Variants in FNDC3B observed in about 807,000 individuals in gnomAD.
FNDC3B encodes the protein fibronectin type III domain containing 3B, also known as fibronectin type III domain-containing protein 3B.
In FNDC3B, 12 loss-of-function variants were observed where a neutral mutation model predicts 151.5. The observed-to-expected ratio is 0.08, with a 90% CI of 0.05 to 0.13. The LOEUF is 0.13. Among genes scored for constraint, FNDC3B ranks in the 10% least tolerant of loss-of-function variants. The pLI is 1.00. For missense variants in FNDC3B, 1,214 were observed against 1,505.3 expected, an observed-to-expected ratio of 0.81 and a Z score of 3.20; for synonymous variants, 528 against 549.0, an observed-to-expected ratio of 0.96 and a Z score of 0.54.
intron 11 of FNDC3B, among the ~76,000 whole-genome samples, chr3:172,322,232 A>G (rs1732122025): frequency 2.0e-5 from 3 of 152,194 alleles, no homozygotes; most frequent in Middle Eastern, 6.8e-3. Flanking sequence ...CAGTGTTTTC[A>G]CTCACAAGTC....
intron 7 of FNDC3B, among the ~76,000 whole-genome samples, 191 bp downstream of exon 7, chr3:172,286,175 G>A (rs1730006669): frequency 6.6e-6 from 1 of 152,058 alleles, no homozygotes; most frequent in African/African-American, 2.4e-5. Flanking sequence ...CCTTCTGTGT[G>A]TAGTCGTAAT....
chr3:172,117,351 C>A (rs972292683), intron 2 of FNDC3B, among the ~76,000 whole-genome samples: 1 of 152,072 alleles, frequency 6.6e-6, no homozygotes, highest in South Asian at 2.1e-4. Flanking sequence ...AAAATTGATG[C>A]CTTTGTTGAC....
intron 4 of FNDC3B, among the ~76,000 whole-genome samples, chr3:172,233,680 C>A (rs1726997232): frequency 6.6e-6 from 1 of 152,202 alleles, no homozygotes; most frequent in African/African-American, 2.4e-5. Flanking sequence ...TGCTTTGTTT[C>A]ACCTTCAACG....
At chr3:172,297,741 T>C (rs557366419) in intron 8 of FNDC3B, among the ~76,000 whole-genome samples, 20 of 151,230 alleles carry the variant, frequency 1.3e-4, no homozygotes, top group Non-Finnish European at 2.5e-4. Flanking sequence ...CCCAAAGTGC[T>C]CGGATAACAG....
chr3:172,244,252 C>T (rs1576833088), intron 4 of FNDC3B, among the ~76,000 whole-genome samples: 1 of 152,244 alleles, frequency 6.6e-6, no homozygotes, highest in South Asian at 2.1e-4. Context: ...TCCTACACCA[C>T]AAAAGGAAAT....
chr3:172,355,785 C>T (rs7621986), intron 22 of FNDC3B, among the ~76,000 whole-genome samples: 2,895 of 152,256 alleles, frequency 0.019, 99 homozygotes, highest in African/African-American at 0.066. Flanking sequence ...TTCATTAGCA[C>T]AGGTTTTCTA....
At chr3:172,307,102 A>G (rs1731237368) in intron 9 of FNDC3B, 2 of 364,862 alleles carry the variant, frequency 5.5e-6, no homozygotes, top group South Asian at 1.0e-4. Flanking sequence ...TACTTAGAAT[A>G]ATCTCTTCTA....
At chr3:172,241,452 A>G (rs1727482934) in intron 4 of FNDC3B, among the ~76,000 whole-genome samples, 1 of 152,180 alleles carries the variant, frequency 6.6e-6, no homozygotes, top group Non-Finnish European at 1.5e-5. Flanking sequence ...AGATTGGGCA[A>G]TTTACATAGG....
At chr3:172,336,570 T>G (rs942822658) in intron 15 of FNDC3B, among the ~76,000 whole-genome samples, 2 of 152,224 alleles carry the variant, frequency 1.3e-5, no homozygotes, top group African/African-American at 4.8e-5. Context: ...TGTCAATAAA[T>G]TTTGTACTTC....
At chr3:172,093,863 T>C (rs1342541137) in intron 1 of FNDC3B, among the ~76,000 whole-genome samples, 6 of 152,250 alleles carry the variant, frequency 3.9e-5, no homozygotes, top group Non-Finnish European at 8.8e-5. Flanking sequence ...TCTGGTTTAG[T>C]AGATCTAAGT....
chr3:172,166,014 C>G (rs896841600), intron 3 of FNDC3B, among the ~76,000 whole-genome samples: 1 of 152,064 alleles, frequency 6.6e-6, no homozygotes, highest in African/African-American at 2.4e-5. Context: ...GAGAGCTAAT[C>G]TTTTATGCAT....
At chr3:172,341,300 A>G (rs1733308731) in intron 17 of FNDC3B, 69 bp downstream of exon 17, 1 of 1,099,548 alleles carries the variant, frequency 9.1e-7, no homozygotes, top group Admixed American at 1.7e-5. Flanking sequence ...ATAACATCAG[A>G]AGCAAATTGC....
intron 6 of FNDC3B, among the ~76,000 whole-genome samples, chr3:172,253,896 CACTCTCCTGA>C (rs1728208568): frequency 6.6e-6 from 1 of 152,108 alleles, no homozygotes; most frequent in South Asian, 2.1e-4. Flanking sequence ...TCTCCTGCCT[CACTCTCCTGA>C]GTAGCTGGAA....
intron 22 of FNDC3B, among the ~76,000 whole-genome samples, chr3:172,361,880 C>T (rs765718873): frequency 6.6e-6 from 1 of 152,206 alleles, no homozygotes; most frequent in African/African-American, 2.4e-5. Context: ...CTAGGTGGCC[C>T]AGCCTGGTCT....
At position 172,052,730 on chromosome 3, in the gene FNDC3B, T is replaced by C. The variant is rs1436182492; in HGVS notation, c.-29+12959T>C. On this transcript the variant is annotated intron_variant, in intron 1 of 25. Transcript: ENST00000415807. ...ATCCTTATCAAGTGTTTCAGGTGAA[T>C]TATATGATCAGACAAGTTTGGGGAA... 8.5e-5 allele frequency among the ~76,000 whole-genome samples: 13 copies of C among 152,262 alleles called. No individual in the cohort carries two copies. The South Asian group carries it at 1.2e-3, about 15-fold the overall frequency.
At chr3:172,370,126 G>A (rs1217399375) in intron 23 of FNDC3B, among the ~76,000 whole-genome samples, 3 of 152,120 alleles carry the variant, frequency 2.0e-5, no homozygotes, top group African/African-American at 7.2e-5. Context: ...ATGTGTTGCT[G>A]TGAGCCTGTA....
In FNDC3B at chr3:172,040,849, G is replaced by C. The variant is rs929764851; in HGVS notation, c.-29+1078G>C. ...GGGTCCCGGCGTCCCGTGGGAACCG[G>C]AGGACCCGGGCCCGCCGTCTCGGGA... On this transcript the variant is annotated intron_variant, in intron 1 of 25. Coordinates refer to ENST00000415807, the MANE Select transcript of FNDC3B (RefSeq NM_022763.4). The surrounding 1 kb of genome is among the most constrained non-coding windows in gnomAD (Gnocchi z 6.6). Among the ~76,000 whole-genome samples, 8 of 152,070 alleles carry C rather than the reference G, an allele frequency of 5.3e-5. No individual in the cohort carries two copies. Among genetic ancestry groups the C allele is most frequent in the African/African-American group, 1.9e-4 (8 of 41,452 alleles).
chr3:172,235,298 T>C (rs559245195), intron 4 of FNDC3B, among the ~76,000 whole-genome samples: 1 of 152,340 alleles, frequency 6.6e-6, no homozygotes, highest in East Asian at 1.9e-4. Context: ...CTAATACTAC[T>C]ATGATTTGCT....
intron 25 of FNDC3B, among the ~76,000 whole-genome samples, chr3:172,382,452 G>T (rs1007886677): frequency 6.6e-5 from 10 of 152,146 alleles, no homozygotes; most frequent in Non-Finnish European, 1.5e-4. Context: ...TCTTTGCTGT[G>T]CAGAAGCTCT....
Sources: gnomAD v4.1 joint callset for allele counts (sites outside exome capture counted in the v4.1 genomes callset) on GRCh38, gnomAD v4.1.1 for gene constraint, Gnocchi (gnomAD v3.1) non-coding constraint, MANE v1.5 for transcripts, NCBI Gene and HGNC (gene_info 2026-07-23, HGNC 2026-07-21) for gene names.